Variants in FNDC1 observed in about 807,000 individuals in gnomAD.
The protein encoded by FNDC1 is fibronectin type III domain-containing protein 1.
Under a neutral mutation model 168.0 loss-of-function variants are expected in FNDC1, and 96 were observed. That is an observed-to-expected ratio of 0.57 (90% CI 0.48 to 0.68). The LOEUF (loss-of-function observed/expected upper bound fraction) is 0.68. Among genes scored for constraint, FNDC1 ranks in the 30% least tolerant of loss-of-function variants. The pLI is 0.00. For missense variants in FNDC1, 2,587 were observed against 2,482.1 expected, an observed-to-expected ratio of 1.04 and a Z score of -0.90; for synonymous variants, 1,099 against 1,025.9, an observed-to-expected ratio of 1.07 and a Z score of -1.36.
chr6:159,211,739 G>A (rs1217851021), intron 4 of FNDC1, among the ~76,000 whole-genome samples: 2 of 152,100 alleles, frequency 1.3e-5, no homozygotes, highest in African/African-American at 4.8e-5. Flanking sequence ...GCATATGTCA[G>A]GTATGGCACC....
At chr6:159,225,774 A>G in intron 8 of FNDC1, 52 bp downstream of exon 8, 1 of 1,481,746 alleles carries the variant, frequency 6.7e-7, no homozygotes, top group South Asian at 1.3e-5. Flanking sequence ...TACACCCAAA[A>G]TAAGATTTAA....
chr6:159,243,308 T>C (rs923889126), intron 14 of FNDC1: 2 of 152,208 alleles, frequency 1.3e-5, no homozygotes, highest in Non-Finnish European at 2.9e-5. Flanking sequence ...TCAGTCATTA[T>C]GGAAAACAGA....
chr6:159,197,722 G>A lies in FNDC1; in HGVS notation c.304+97G>A. The A allele has an allele frequency of 4.4e-6, 5 of 1,145,304 alleles. No homozygotes were observed. In the South Asian group the frequency reaches 6.2e-5, roughly 14 times the overall value. The allele number at this position is 1,145,304 out of a possible 1,614,324, so 70.9% of individuals were successfully genotyped here. ...ATGACTGTGAGACAACCCATGGCTG[G>A]GCTCAAGGTCCCTTACGGTTCTTTG... On this transcript the variant is annotated intron_variant, in intron 2 of 22. Coordinates refer to ENST00000297267, the MANE Select transcript of FNDC1 (RefSeq NM_032532.3).
chr6:159,251,297 T>A lies in FNDC1; in HGVS notation c.4835-5T>A, dbSNP rs1373132896. 5 of 1,610,362 alleles carry A rather than the reference T, an allele frequency of 3.1e-6. No individual in the cohort carries two copies. In the South Asian group the frequency reaches 5.5e-5, roughly 18 times the overall value. ...ATCCAATTGGTTATCTCTGTTCTTT[T>A]CCAGCTCCTTACGTGACGTACCTAA... On this transcript the variant is annotated splice_region_variant and splice_polypyrimidine_tract_variant and intron_variant, in intron 16 of 22. Coordinates refer to ENST00000297267, the MANE Select transcript of FNDC1 (RefSeq NM_032532.3).
Position 159,225,668 on chromosome 6 carries a change from G to A in FNDC1, c.1018G>A (p.Gly340Ser). ...VYEFAVRISQ[G>S]ERDGKWSTSV... ...TGAATTTGCAGTCCGTATTTCACAG[G>A]GTGAAAGAGATGGCAAATGGAGTAC... The change falls in exon 8 of 23, where the codon GGT becomes AGT. Residue 340 changes from glycine to serine, a missense_variant. Coordinates refer to ENST00000297267, the MANE Select transcript of FNDC1 (RefSeq NM_032532.3). 1.2e-6 allele frequency: 2 copies of A among 1,613,796 alleles called. No individual in the cohort carries two copies. Among genetic ancestry groups the A allele is most frequent in the Non-Finnish European group, 1.7e-6 (2 of 1,179,762 alleles).
chr6:159,257,690 C>T (rs1469945876), intron 18 of FNDC1, among the ~76,000 whole-genome samples: 1 of 152,206 alleles, frequency 6.6e-6, no homozygotes, highest in African/African-American at 2.4e-5. Flanking sequence ...GTGAATTTTC[C>T]TCAAGACATT....
chr6:159,203,648 G>A (rs402045), intron 4 of FNDC1, among the ~76,000 whole-genome samples: 67,074 of 152,070 alleles, frequency 0.44, 15,903 homozygotes, highest in East Asian at 0.66. Flanking sequence ...GTATCCTCTT[G>A]TTCTGTCCCC....
At chr6:159,269,058 GTCTATCTATCTATCTATCTA>G (rs201260395) in intron 22 of FNDC1, among the ~76,000 whole-genome samples, 321 of 137,060 alleles carry the variant, frequency 2.3e-3, no homozygotes, top group Admixed American at 3.1e-3. Flanking sequence ...CTATCTATCT[GTCTATCTATCTATCTATCTA>G]TCTATCTATC....
chr6:159,200,913 A>G (rs1782366100), intron 4 of FNDC1, among the ~76,000 whole-genome samples: 1 of 152,284 alleles, frequency 6.6e-6, no homozygotes, highest in African/African-American at 2.4e-5. Flanking sequence ...CTCTTCTACC[A>G]GTGAATCAAT....
intron 7 of FNDC1, 77 bp from the exon 8 acceptor site, chr6:159,225,458 G>A (rs1174989563): frequency 8.3e-7 from 1 of 1,209,310 alleles, no homozygotes; most frequent in Non-Finnish European, 1.1e-6. Flanking sequence ...TCACTTATGA[G>A]GAAGGAAAAA....
Position 159,246,000 on chromosome 6 carries a change from C to T in FNDC1, c.4622-901C>T, listed in dbSNP as rs546013784. On this transcript the variant is annotated intron_variant, in intron 14 of 22. Transcript: ENST00000297267. The stretch of plus-strand genomic sequence containing the variant: ...CGATCTCCTGACCTTGTGATCCGCC[C>T]GCCTCGGCCTCCCAAAGTGCTGGGA... Among the ~76,000 whole-genome samples the T allele has an allele frequency of 1.2e-3, 4 of 3,350 alleles. 2 individuals are homozygous for T. Among genetic ancestry groups the T allele is most frequent in the East Asian group, 6.1e-3 (4 of 652 alleles). The allele number at this position is 3,350 out of a possible 152,430, so 2.2% of individuals were successfully genotyped here.
rs756004336 is a variant in FNDC1 at position 159,232,766 on chromosome 6, G to A, written c.2254G>A (p.Ala752Thr). ...KGGKDGEDAPATNSNAPSRST... is the reference protein window; with the variant it reads ...KGGKDGEDAPTTNSNAPSRST... Reference sequence around the variant, plus strand: ...CGGGAAGGATGGTGAGGACGCCCCAGCCACCAACTCCAATGCGCCATCACG... The same window carrying A: ...CGGGAAGGATGGTGAGGACGCCCCAACCACCAACTCCAATGCGCCATCACG... Residue 752 changes from alanine (A) to threonine (T), a missense_variant, in exon 11 of 23, where the codon GCC becomes ACC. Ala to Thr is a moderately conservative substitution (Grantham distance 58). Transcript: ENST00000297267. The surrounding 1 kb of genome is among the most constrained non-coding windows in gnomAD (Gnocchi z 4.9). The A allele has an allele frequency of 6.2e-7, 1 of 1,613,942 alleles. No individual in the cohort carries two copies. The highest frequency in any genetic ancestry group is 1.7e-5 in the Admixed American group (1 of 60,026).
intron 21 of FNDC1, 28 bp from the exon 22 acceptor site, chr6:159,267,776 C>A (rs1416287992): frequency 1.2e-6 from 2 of 1,612,906 alleles, no homozygotes; most frequent in African/African-American, 1.3e-5. Context: ...TGTACCTAGT[C>A]ATGGACTCAA....
At chr6:159,180,023 A>C (rs1285081669) in intron 1 of FNDC1, among the ~76,000 whole-genome samples, 2 of 152,142 alleles carry the variant, frequency 1.3e-5, no homozygotes, top group Non-Finnish European at 2.9e-5. Context: ...TTGTATTTAC[A>C]CAGTATGTGA....
At chr6:159,200,141 C>T (rs565921300) in intron 3 of FNDC1, 59 bp downstream of exon 3, 2 of 1,215,908 alleles carry the variant, frequency 1.6e-6, no homozygotes, top group Non-Finnish European at 2.4e-6. Flanking sequence ...GAGAGACATC[C>T]CTCCTTGCTT....
At chr6:159,218,006 G>A (rs1488375841) in intron 5 of FNDC1, among the ~76,000 whole-genome samples, 1 of 152,164 alleles carries the variant, frequency 6.6e-6, no homozygotes, top group Non-Finnish European at 1.5e-5. Context: ...TGGTGATGCG[G>A]GCCAAATTCT....
chr6:159,245,500 A>G (rs1008645028), intron 14 of FNDC1, among the ~76,000 whole-genome samples: 2 of 151,998 alleles, frequency 1.3e-5, no homozygotes, highest in Admixed American at 1.3e-4. Context: ...TTTTTTAGCT[A>G]TAAAACCTTT....
At position 159,271,528 on chromosome 6, in the gene FNDC1, T is replaced by G; in HGVS notation, c.*86T>G. 1 of 957,944 alleles carries G rather than the reference T, an allele frequency of 1.0e-6. No individual in the cohort carries two copies. The highest frequency in any genetic ancestry group is 1.6e-6 in the Non-Finnish European group (1 of 611,044). The allele number at this position is 957,944 out of a possible 1,614,324, so 59.3% of individuals were successfully genotyped here. ...GGGCTGTGAGCAAAGACAGCCAGCG[T>G]GCTCAGCCCCGCTGCCCTAGGTGCC... is the stretch of plus-strand genomic sequence containing the variant. On this transcript the variant is annotated 3_prime_UTR_variant, in exon 23 of 23. Coordinates refer to ENST00000297267, the MANE Select transcript of FNDC1 (RefSeq NM_032532.3).
At chr6:159,264,172 A>G (rs1366171280) in intron 19 of FNDC1, among the ~76,000 whole-genome samples, 1 of 152,204 alleles carries the variant, frequency 6.6e-6, no homozygotes, top group African/African-American at 2.4e-5. Context: ...TGTCACTGTC[A>G]AGATAGTGAG....
Sources: allele counts gnomAD v4.1 joint callset (sites outside exome capture counted in the v4.1 genomes callset), GRCh38; gene constraint gnomAD v4.1.1; non-coding constraint Gnocchi (gnomAD v3.1); transcripts MANE v1.5; gene names NCBI Gene and HGNC (gene_info 2026-07-23, HGNC 2026-07-21).